The following HOXB9 variants were observed in gnomAD, a reference collection of about 807,000 sequenced individuals.
HOXB9 encodes homeobox B9, also known as homeobox protein Hox-B9.
In HOXB9, 10 loss-of-function variants were observed where a neutral mutation model predicts 21.5. The observed-to-expected ratio is 0.47, with a 90% CI of 0.29 to 0.79. HOXB9 has a LOEUF of 0.79. Ranked by LOEUF, HOXB9 falls within the 30% of genes least tolerant of loss-of-function variation. The pLI is 0.10. For synonymous variants in HOXB9, 156 were observed against 151.2 expected (o/e 1.03, Z -0.23); for missense variants, 375 against 338.7 (o/e 1.11, Z -0.84).
Position 48,622,806 on chromosome 17 carries a change from GA to G in HOXB9, c.*93del, listed in dbSNP as rs1185597584. 3.4e-6 allele frequency: 3 copies of G among 892,032 alleles called. No individual in the cohort carries two copies. The highest frequency in any genetic ancestry group is 1.6e-5 in the African/African-American group (1 of 60,650). The allele number at this position is 892,032 out of a possible 1,614,324, so 55.3% of individuals were successfully genotyped here. Reference sequence around the variant, plus strand: ...GAGAGACTCCCTTCCCCATTCACTTGAATACATCCCAGACAGCACTGGCTTT... The same window carrying G: ...GAGAGACTCCCTTCCCCATTCACTTGATACATCCCAGACAGCACTGGCTTT... On this transcript the variant is annotated 3_prime_UTR_variant, in exon 2 of 2. Transcript: ENST00000311177.
Position 48,626,335 on chromosome 17 carries a change from G to A in HOXB9, c.-66C>T. 1 of 1,507,576 alleles carries A rather than the reference G, an allele frequency of 6.6e-7. No homozygotes were observed. The highest frequency in any genetic ancestry group is 8.9e-7 in the Non-Finnish European group (1 of 1,127,036). 93.4% of individuals were successfully genotyped at this position (1,507,576 alleles called of 1,614,324 possible). A position where few individuals can be genotyped will look rare whatever the true frequency, so the allele number is the denominator to read the frequency against. On this transcript the variant is annotated 5_prime_UTR_variant, in exon 1 of 2. Transcript: ENST00000311177. ...GCTCGCGCGGCGGCGCCCAAGCAGG[G>A]AGAGGTGGCACCCGGACCGGTGTGA...
In HOXB9 at chr17:48,623,151, C is replaced by T. The variant is rs183070971; in HGVS notation, c.518-16G>A. ...GAGGGGTTGGCTGAAAGAGAAGCAG[C>T]GATAGAATCAAAGAAAGGAAGGGGG... On this transcript the variant is annotated splice_polypyrimidine_tract_variant and intron_variant, in intron 1 of 1. Transcript: ENST00000311177. 1.9e-5 allele frequency: 31 copies of T among 1,601,772 alleles called. No homozygotes were observed. In the East Asian group the frequency reaches 2.0e-4, roughly 10 times the overall value.
intron 1 of HOXB9, 116 bp from the exon 2 acceptor site, chr17:48,623,251 G>A: frequency 2.7e-6 from 2 of 739,468 alleles, no homozygotes; most frequent in Non-Finnish European, 4.5e-6. Context: ...GGCCACCTGG[G>A]TCTTCAAGCT....
In HOXB9 at chr17:48,625,868, G is replaced by C. The variant is rs1393430067; in HGVS notation, c.402C>G (p.Pro134=). 1.9e-6 allele frequency: 3 copies of C among 1,609,076 alleles called. No homozygotes were observed. The highest frequency in any genetic ancestry group is 1.3e-5 in the African/African-American group (1 of 74,350). ...CCGCCGAAGTTTCCAAACTGTACTC[G>C]GGCGTGCCCTGTTTGAGCAGCTCCC... ...APGELLKQGT[P]EYSLETSAGR... The change falls in exon 1 of 2, where the codon CCC becomes CCG. Residue 134 remains proline (P), a synonymous_variant. Coordinates refer to ENST00000311177, the MANE Select transcript of HOXB9 (RefSeq NM_024017.5).
chr17:48,622,765 G>A lies in HOXB9; in HGVS notation c.*135C>T. On this transcript the variant is annotated 3_prime_UTR_variant, in exon 2 of 2. Coordinates refer to ENST00000311177, the MANE Select transcript of HOXB9 (RefSeq NM_024017.5). ...GGAAAGGAGGGAGGTTCTAGGTGCA[G>A]ATAAAGGACTTGGAAGAGAGACTCC... 1.5e-6 allele frequency: 1 copy of A among 650,778 alleles called. No homozygotes were observed. Among genetic ancestry groups the A allele is most frequent in the Non-Finnish European group, 2.7e-6 (1 of 374,792 alleles). 40.3% of individuals were successfully genotyped at this position (650,778 alleles called of 1,614,324 possible).
chr17:48,626,043 G>T lies in HOXB9; in HGVS notation c.227C>A (p.Ser76Tyr). 6.3e-7 allele frequency: 1 copy of T among 1,578,748 alleles called. No homozygotes were observed. Among genetic ancestry groups the T allele is most frequent in the Non-Finnish European group, 8.5e-7 (1 of 1,169,632 alleles). The change falls in exon 1 of 2, where the codon TCC (serine) becomes TAC (tyrosine). Residue 76 changes from serine (S) to tyrosine (Y), a missense_variant. Coordinates refer to ENST00000311177, the MANE Select transcript of HOXB9 (RefSeq NM_024017.5). ...LSPHASGSLP[S>Y]VYHPYIQPQG... ...GGGCTGGATGTAAGGGTGGTAGACG[G>T]ACGGCAGGCTCCCGGACGCGTGCGG...
intron 1 of HOXB9, among the ~76,000 whole-genome samples, chr17:48,623,526 A>T (rs1001216259): frequency 1.3e-5 from 2 of 152,194 alleles, no homozygotes; most frequent in Non-Finnish European, 2.9e-5. Context: ...TCCTGGCTCT[A>T]GGAGGTGAGA....
intron 1 of HOXB9, 70 bp from the exon 2 acceptor site, chr17:48,623,205 C>T: frequency 8.2e-7 from 1 of 1,222,826 alleles, no homozygotes; most frequent in Non-Finnish European, 1.2e-6. Context: ...GAGGGCACTC[C>T]CTTGGTCTCC....
chr17:48,625,829 C>T lies in HOXB9; in HGVS notation c.441G>A (p.Val147=), dbSNP rs1211402644. The change falls in exon 1 of 2, where the codon GTG becomes GTA. Residue 147 remains valine (V), a synonymous_variant. Coordinates refer to ENST00000311177, the MANE Select transcript of HOXB9 (RefSeq NM_024017.5). ...SLETSAGREA[V]LSNQRPGYGD... Reference sequence around the variant, plus strand: ...CGTAGCCGGGTCTTTGATTAGACAGCACGGCCTCCCTGCCCGCCGAAGTTT... The same window carrying T: ...CGTAGCCGGGTCTTTGATTAGACAGTACGGCCTCCCTGCCCGCCGAAGTTT... The T allele has an allele frequency of 1.9e-6, 3 of 1,611,456 alleles. No homozygotes were observed. The highest frequency in any genetic ancestry group is 2.2e-5 in the East Asian group (1 of 44,494).
In HOXB9 at chr17:48,626,168, C is replaced by A; in HGVS notation, c.102G>T (p.Ala34=). The change falls in exon 1 of 2, where the codon GCG becomes GCT. Residue 34 remains alanine, a synonymous_variant. Transcript: ENST00000311177. The stretch of plus-strand genomic sequence containing the variant: ...CCGCGTGGCCCGGCTGCCGCGAGCT[C>A]GCGTACTGGCCAGAAGGAAACTTGG... ...PPAKFPSGQY[A]SSRQPGHAEH... 1 of 1,598,364 alleles carries A rather than the reference C, an allele frequency of 6.3e-7. No individual in the cohort carries two copies.
In HOXB9 at chr17:48,622,863, G is replaced by T; in HGVS notation, c.*37C>A. On this transcript the variant is annotated 3_prime_UTR_variant, in exon 2 of 2. Transcript: ENST00000311177. ...CGTCACATAACTAAGAGTGAGATGGGGAAGAGCTAGGGAGGACTGGGGGTA... is the reference window on the plus strand; with the variant it reads ...CGTCACATAACTAAGAGTGAGATGGTGAAGAGCTAGGGAGGACTGGGGGTA... 6.8e-7 allele frequency: 1 copy of T among 1,471,858 alleles called. No homozygotes were observed. Among genetic ancestry groups the T allele is most frequent in the Non-Finnish European group, 9.5e-7 (1 of 1,054,224 alleles). 91.2% of individuals were successfully genotyped at this position (1,471,858 alleles called of 1,614,324 possible). A position where few individuals can be genotyped will look rare whatever the true frequency, so the allele number is the denominator to read the frequency against.
Position 48,621,580 on chromosome 17 carries a change from A to C in HOXB9, c.*1320T>G, listed in dbSNP as rs566774282. Reference sequence around the variant, plus strand: ...GCCACGCAGATCTGCATCCAGGCCCATGAAGCAGGAGGCCAAGCCCGGCCC... The same window carrying C: ...GCCACGCAGATCTGCATCCAGGCCCCTGAAGCAGGAGGCCAAGCCCGGCCC... On this transcript the variant is annotated 3_prime_UTR_variant, in exon 2 of 2. Coordinates refer to ENST00000311177, the MANE Select transcript of HOXB9 (RefSeq NM_024017.5). 6.6e-6 allele frequency: 1 copy of C among 152,312 alleles called. No individual in the cohort carries two copies. Among genetic ancestry groups the C allele is most frequent in the Non-Finnish European group, 1.5e-5 (1 of 68,078 alleles). 9.4% of individuals were successfully genotyped at this position (152,312 alleles called of 1,614,324 possible).
At chr17:48,625,281 G>A (rs2875820) in intron 1 of HOXB9, among the ~76,000 whole-genome samples, 72,645 of 152,206 alleles carry the variant, frequency 0.48, 19,543 homozygotes, top group Non-Finnish European at 0.6. Context: ...CCCTTGGCCG[G>A]CTTTTACGGT....
chr17:48,625,715 C>T (rs375169682), intron 1 of HOXB9, 38 bp downstream of exon 1: 4 of 1,433,632 alleles, frequency 2.8e-6, no homozygotes, highest in South Asian at 1.6e-5. Context: ...CCCCTCCTGG[C>T]CTTCGGCCTG....
Position 48,621,755 on chromosome 17 carries a change from A to C in HOXB9, c.*1145T>G, listed in dbSNP as rs1420130070. The C allele has an allele frequency of 6.6e-6, 1 of 152,296 alleles. No individual in the cohort carries two copies. Among genetic ancestry groups the C allele is most frequent in the Admixed American group, 6.5e-5 (1 of 15,290 alleles). The allele number at this position is 152,296 out of a possible 1,614,324, so 9.4% of individuals were successfully genotyped here. A position where few individuals can be genotyped will look rare whatever the true frequency, so the allele number is the denominator to read the frequency against. ...CCCTGTCCCAGACCACTTGTCCCGG[A>C]AGGGAGCTTGGGAATCGATTCACAA... On this transcript the variant is annotated 3_prime_UTR_variant, in exon 2 of 2. Transcript: ENST00000311177.
Position 48,625,834 on chromosome 17 carries a change from C to T in HOXB9, c.436G>A (p.Ala146Thr), listed in dbSNP as rs2070808637. ...YSLETSAGRE[A>T]VLSNQRPGYG... ...CCGGGTCTTTGATTAGACAGCACGG[C>T]CTCCCTGCCCGCCGAAGTTTCCAAA... Residue 146 changes from alanine to threonine, a missense_variant, in exon 1 of 2, where the codon GCC (alanine) becomes ACC (threonine). Transcript: ENST00000311177. 2 of 1,611,556 alleles carry T rather than the reference C, an allele frequency of 1.2e-6. No homozygotes were observed. The highest frequency in any genetic ancestry group is 1.7e-6 in the Non-Finnish European group (2 of 1,179,148).
chr17:48,623,120 T>C lies in HOXB9; in HGVS notation c.533A>G (p.Asn178Ser), dbSNP rs750681062. 2.5e-6 allele frequency: 4 copies of C among 1,613,150 alleles called. No homozygotes were observed. Among genetic ancestry groups the C allele is most frequent in the Non-Finnish European group, 3.4e-6 (4 of 1,179,774 alleles). The change falls in exon 2 of 2, where the codon AAC (asparagine) becomes AGC (serine). Residue 178 changes from asparagine (N) to serine (S), a missense_variant. Coordinates refer to ENST00000311177, the MANE Select transcript of HOXB9 (RefSeq NM_024017.5). ...ERPDQTNPSA[N>S]WLHARSSRKK... ...CCGGGAAGAGCGAGCGTGCAGCCAG[T>C]TGGCGGAGGGGTTGGCTGAAAGAGA...
Position 48,622,637 on chromosome 17 carries a change from CT to C in HOXB9, c.*262del, listed in dbSNP as rs1567984480. 3 of 386,220 alleles carry C rather than the reference CT, an allele frequency of 7.8e-6. No homozygotes were observed. Among genetic ancestry groups the C allele is most frequent in the Admixed American group, 4.1e-5 (1 of 24,180 alleles). 23.9% of individuals were successfully genotyped at this position (386,220 alleles called of 1,614,324 possible). A position where few individuals can be genotyped will look rare whatever the true frequency, so the allele number is the denominator to read the frequency against. On this transcript the variant is annotated 3_prime_UTR_variant, in exon 2 of 2. Transcript: ENST00000311177. ...GGAGCTTGACTGGGGTCTCTCTTTC[CT>C]TGTGGCCCATCACATTCTTAGGAAC...
At chr17:48,624,830 G>T (rs1567677281) in intron 1 of HOXB9, among the ~76,000 whole-genome samples, 2 of 152,118 alleles carry the variant, frequency 1.3e-5, no homozygotes, top group Non-Finnish European at 2.9e-5. Flanking sequence ...GGGTGCTTTT[G>T]AGGAGTGGGA....
Sources: gnomAD v4.1 joint callset for allele counts (sites outside exome capture counted in the v4.1 genomes callset) on GRCh38, gnomAD v4.1.1 for gene constraint, MANE v1.5 for transcripts, NCBI Gene and HGNC (gene_info 2026-07-23, HGNC 2026-07-21) for gene names.